KMT2E: variants seen among roughly 807,000 people sequenced by gnomAD.
KMT2E encodes histone reader KMT2E.
In KMT2E, 30 loss-of-function variants were observed where a neutral mutation model predicts 184.6. The ratio of observed to expected loss-of-function variants is 0.16; its 90% CI spans 0.12 to 0.22. KMT2E has a LOEUF of 0.22. KMT2E is among the 10% of genes least tolerant of loss of function. The pLI, the probability that KMT2E is intolerant of heterozygous loss-of-function variation, is 1.00. For synonymous variants in KMT2E, 815 were observed against 776.5 expected, an observed-to-expected ratio of 1.05 and a Z score of -0.82; for missense variants, 2,023 against 2,237.4, an observed-to-expected ratio of 0.90 and a Z score of 1.93.
chr7:105,093,666 A>G (rs932720759), intron 15 of KMT2E, among the ~76,000 whole-genome samples: 12 of 152,180 alleles, frequency 7.9e-5, no homozygotes, highest in Non-Finnish European at 1.5e-4. Flanking sequence ...CCTGGGCAAC[A>G]AGAGCGAAAC....
chr7:105,018,294 T>G (rs191802055), intron 1 of KMT2E, among the ~76,000 whole-genome samples: 3 of 152,324 alleles, frequency 2.0e-5, no homozygotes, highest in Non-Finnish European at 4.4e-5. Flanking sequence ...TGAAGAGCTA[T>G]CAAAACTGGT....
At position 105,059,994 on chromosome 7, in the gene KMT2E, T is replaced by G. The variant is rs924520163; in HGVS notation, c.72-2170T>G. Among the ~76,000 whole-genome samples the G allele has an allele frequency of 1.8e-4, 21 of 119,388 alleles. No individual in the cohort carries two copies. The East Asian group carries it at 2.0e-3, about 11-fold the overall frequency. 78.3% of individuals were successfully genotyped at this position (119,388 alleles called of 152,430 possible). A position where few individuals can be genotyped will look rare whatever the true frequency, so the allele number is the denominator to read the frequency against. On this transcript the variant is annotated intron_variant, in intron 3 of 26. Transcript: ENST00000311117. Reference sequence around the variant, plus strand: ...CTTGTTGTTGTTTTTTTTTTTTTTTTTTTTTTTTTTTTTTTTTGGAGACAG... The same window carrying G: ...CTTGTTGTTGTTTTTTTTTTTTTTTGTTTTTTTTTTTTTTTTTGGAGACAG...
intron 3 of KMT2E, among the ~76,000 whole-genome samples, chr7:105,043,275 C>T (rs1267828126): frequency 1.3e-4 from 19 of 142,650 alleles, no homozygotes; most frequent in African/African-American, 3.9e-4. Context: ...CTTGCTCTGT[C>T]GCCCAGGCTG....
chr7:105,016,534 A>G (rs1244510593), intron 1 of KMT2E, among the ~76,000 whole-genome samples: 1 of 152,206 alleles, frequency 6.6e-6, no homozygotes, highest in Non-Finnish European at 1.5e-5. Flanking sequence ...ATTTTCAGAA[A>G]CTTACAGACT....
At chr7:105,055,756 C>T (rs1796551417) in intron 3 of KMT2E, among the ~76,000 whole-genome samples, 1 of 152,144 alleles carries the variant, frequency 6.6e-6, no homozygotes, top group Admixed American at 6.6e-5. Flanking sequence ...ATCTCTTTGC[C>T]TTCTCTATTT....
intron 3 of KMT2E, among the ~76,000 whole-genome samples, chr7:105,055,732 G>A (rs988042418): frequency 6.6e-6 from 1 of 152,064 alleles, no homozygotes; most frequent in Non-Finnish European, 1.5e-5. Flanking sequence ...CTTTCTGTCT[G>A]GAATACTTTC....
intron 15 of KMT2E, among the ~76,000 whole-genome samples, chr7:105,096,637 C>G (rs1584790839): frequency 6.6e-6 from 1 of 150,994 alleles, no homozygotes; most frequent in East Asian, 1.9e-4. Context: ...GTAGCCCTAG[C>G]TCCTAGGGGA....
At chr7:105,050,661 TCTTTTTTC>T (rs759116338) in intron 3 of KMT2E, among the ~76,000 whole-genome samples, 1,687 of 151,544 alleles carry the variant, frequency 0.011, 20 homozygotes, top group East Asian at 0.063. Context: ...TTTCTTTCTT[TCTTTTTTC>T]TTTCTTTCTT....
chr7:105,066,779 A>G lies in KMT2E; in HGVS notation c.469A>G (p.Thr157Ala). 1.2e-6 allele frequency: 2 copies of G among 1,612,730 alleles called. No homozygotes were observed. Among genetic ancestry groups the G allele is most frequent in the Non-Finnish European group, 1.7e-6 (2 of 1,179,060 alleles). Residue 157 changes from threonine (T) to alanine (A), a missense_variant, in exon 6 of 27, where the codon ACA becomes GCA. Physicochemically the swap from Thr to Ala is moderately conservative, Grantham distance 58 (BLOSUM62 0). Coordinates refer to ENST00000311117, the MANE Select transcript of KMT2E (RefSeq NM_182931.3). Reference sequence around the variant, plus strand: ...GATTGATAGGCAGCATATTCCTGATACATATCTATGTGAACGTTGTCAGCC... The same window carrying G: ...GATTGATAGGCAGCATATTCCTGATGCATATCTATGTGAACGTTGTCAGCC... ...MGIDRQHIPDTYLCERCQPRN... is the reference protein window; with the variant it reads ...MGIDRQHIPDAYLCERCQPRN...
At chr7:105,069,821 A>G (rs907586578) in intron 6 of KMT2E, among the ~76,000 whole-genome samples, 1 of 152,002 alleles carries the variant, frequency 6.6e-6, no homozygotes, top group African/African-American at 2.4e-5. Context: ...AGTCATACCC[A>G]CCTTCTACCC....
chr7:105,033,468 A>AT (rs1369642796), intron 1 of KMT2E, among the ~76,000 whole-genome samples: 2 of 151,886 alleles, frequency 1.3e-5, no homozygotes, highest in Non-Finnish European at 2.9e-5. Context: ...GGTTTTTTGT[A>AT]TTTTTGTTTG....
At chr7:105,084,721 T>A (rs1288435376) in intron 13 of KMT2E, among the ~76,000 whole-genome samples, 2 of 152,150 alleles carry the variant, frequency 1.3e-5, no homozygotes, top group African/African-American at 4.8e-5. Context: ...CACAATTTAC[T>A]GAGAGATGAA....
At chr7:105,051,531 TCTAAG>T (rs1440637147) in intron 3 of KMT2E, among the ~76,000 whole-genome samples, 1 of 152,188 alleles carries the variant, frequency 6.6e-6, no homozygotes, top group Non-Finnish European at 1.5e-5. Context: ...TGCTTAAAAC[TCTAAG>T]CTGTCAGTCT....
At chr7:105,075,183 G>T (rs1235992386) in intron 8 of KMT2E, among the ~76,000 whole-genome samples, 3 of 147,414 alleles carry the variant, frequency 2.0e-5, no homozygotes, top group African/African-American at 5.0e-5. Context: ...ACGGTTCTTT[G>T]CCTCCTTTTT....
chr7:105,108,721 GGTT>G, intron 22 of KMT2E: 1 of 520,258 alleles, frequency 1.9e-6, no homozygotes, highest in East Asian at 3.5e-5. Context: ...TATTTCATAG[GGTT>G]GTTGTGAGGA....
rs200587089 is a variant in KMT2E at position 105,113,204 on chromosome 7, C to T, written c.5448C>T (p.Gly1816=). 14 of 1,614,214 alleles carry T rather than the reference C, an allele frequency of 8.7e-6. No individual in the cohort carries two copies. Reference sequence around the variant, plus strand: ...CTTCAGGGTTCTGTCCTCATCCTGGCTCTGTGGCCCTGCCACATGGGGTTC... The same window carrying T: ...CTTCAGGGTTCTGTCCTCATCCTGGTTCTGTGGCCCTGCCACATGGGGTTC... ...PTASGFCPHP[G]SVALPHGVQG... Residue 1816 remains glycine, a synonymous_variant, in exon 27 of 27, where the codon GGC becomes GGT. Coordinates refer to ENST00000311117, the MANE Select transcript of KMT2E (RefSeq NM_182931.3).
intron 1 of KMT2E, among the ~76,000 whole-genome samples, chr7:105,020,680 C>T: frequency 6.6e-6 from 1 of 152,274 alleles, no homozygotes; most frequent in African/African-American, 2.4e-5. Context: ...CTTTTGTTTT[C>T]ATAGGGTATT....
intron 13 of KMT2E, among the ~76,000 whole-genome samples, chr7:105,086,857 TAATA>T (rs1307034721): frequency 1.4e-5 from 2 of 146,616 alleles, no homozygotes; most frequent in Non-Finnish European, 3.0e-5. Flanking sequence ...ATAGTATATA[TAATA>T]TATATTAGCA....
intron 6 of KMT2E, among the ~76,000 whole-genome samples, chr7:105,072,172 G>C (rs1343009453): frequency 1.3e-5 from 2 of 152,046 alleles, no homozygotes; most frequent in Non-Finnish European, 2.9e-5. Flanking sequence ...ACAAGAGTTA[G>C]CCAGGTGTGG....
Sources: allele counts gnomAD v4.1 joint callset (sites outside exome capture counted in the v4.1 genomes callset), GRCh38; gene constraint gnomAD v4.1.1; transcripts MANE v1.5; gene names NCBI Gene and HGNC (gene_info 2026-07-23, HGNC 2026-07-21).